UBE3A: variants seen among roughly 807,000 people sequenced by gnomAD.
UBE3A encodes ubiquitin protein ligase E3A.
In UBE3A, 6 loss-of-function variants were observed where a neutral mutation model predicts 83.4. The observed-to-expected ratio is 0.07, with a 90% CI of 0.04 to 0.14. The LOEUF is 0.14. Among genes scored for constraint, UBE3A ranks in the 10% least tolerant of loss-of-function variants. UBE3A has a pLI of 1.00. For synonymous variants in UBE3A, 337 were observed against 355.4 expected, an observed-to-expected ratio of 0.95 and a Z score of 0.58; for missense variants, 456 against 1,036.1, an observed-to-expected ratio of 0.44 and a Z score of 7.69.
chr15:25,377,645 T>C (rs1243654536), intron 4 of UBE3A, among the ~76,000 whole-genome samples: 1 of 152,208 alleles, frequency 6.6e-6, no homozygotes, highest in African/African-American at 2.4e-5. Flanking sequence ...ATTTCCTTTC[T>C]GGAGGAAAAC....
rs139791291 is a variant in UBE3A, at chr15:25,402,141, C to T, written c.62+3320G>A. 1.9e-3 allele frequency among the ~76,000 whole-genome samples: 289 copies of T among 152,318 alleles called. 1 individual carries two copies. Among genetic ancestry groups the T allele is most frequent in the African/African-American group, 6.6e-3 (273 of 41,570 alleles). ...CTGTAGTCATGTGTTGGCACCTGCA[C>T]ATTTGAAGAAGCTGAGACTTGTTCC... On this transcript the variant is annotated intron_variant, in intron 4 of 12. Transcript: ENST00000648336.
intron 4 of UBE3A, among the ~76,000 whole-genome samples, chr15:25,382,297 G>C (rs1408380379): frequency 6.6e-6 from 1 of 151,566 alleles, no homozygotes; most frequent in Non-Finnish European, 1.5e-5. Flanking sequence ...CTGTGGCCTG[G>C]GCAAAAGAGC....
chr15:25,340,314 A>ATATT lies in UBE3A; in HGVS notation c.2355-90_2355-87dup, dbSNP rs1377209676. The ATATT allele has an allele frequency of 3.8e-5, 56 of 1,461,258 alleles. No individual in the cohort carries two copies. The South Asian group carries it at 6.1e-4, about 16-fold the overall frequency. The allele number at this position is 1,461,258 out of a possible 1,614,324, so 90.5% of individuals were successfully genotyped here. A position where few individuals can be genotyped will look rare whatever the true frequency, so the allele number is the denominator to read the frequency against. Reference sequence around the variant, plus strand: ...TAAGCTTATGATTTGCATTAAAACTATATTAAGAGACAACTTGGAAGTTAA... The same window carrying ATATT: ...TAAGCTTATGATTTGCATTAAAACTATATTTATTAAGAGACAACTTGGAAGTTAA... On this transcript the variant is annotated intron_variant, in intron 11 of 12. Coordinates refer to ENST00000648336, the MANE Select transcript of UBE3A (RefSeq NM_130839.5).
At chr15:25,399,570 G>C (rs1001917717) in intron 4 of UBE3A, among the ~76,000 whole-genome samples, 1 of 151,376 alleles carries the variant, frequency 6.6e-6, no homozygotes, top group Admixed American at 6.6e-5. Context: ...CTGTTTTTTT[G>C]TTTCTTTTGT....
At chr15:25,396,321 A>G (rs2085555334) in intron 4 of UBE3A, among the ~76,000 whole-genome samples, 1 of 151,898 alleles carries the variant, frequency 6.6e-6, no homozygotes, top group Admixed American at 6.6e-5. Flanking sequence ...AACAAAATCC[A>G]TGGCCAGGCA....
intron 6 of UBE3A, among the ~76,000 whole-genome samples, chr15:25,363,811 C>T (rs1007550440): frequency 6.6e-6 from 1 of 151,826 alleles, no homozygotes; most frequent in African/African-American, 2.4e-5. Flanking sequence ...TAGTTGGTAA[C>T]TGAATTCTGT....
chr15:25,402,674 C>T (rs1463987266), intron 4 of UBE3A, among the ~76,000 whole-genome samples: 1 of 152,186 alleles, frequency 6.6e-6, no homozygotes, highest in Admixed American at 6.5e-5. Context: ...GTGTACACTT[C>T]CCCTCCTTCC....
chr15:25,424,755 A>T (rs1685042503), intron 1 of UBE3A, among the ~76,000 whole-genome samples: 1 of 152,220 alleles, frequency 6.6e-6, no homozygotes, highest in Non-Finnish European at 1.5e-5. Flanking sequence ...AATTTTAAAA[A>T]ATTCAATTTG....
At chr15:25,387,631 C>A (rs1432032363) in intron 4 of UBE3A, among the ~76,000 whole-genome samples, 1 of 151,764 alleles carries the variant, frequency 6.6e-6, no homozygotes, top group Non-Finnish European at 1.5e-5. Context: ...AAAATTAGAG[C>A]AGAAATCAAT....
At chr15:25,345,097 C>A (rs971961645) in intron 11 of UBE3A, among the ~76,000 whole-genome samples, 5 of 152,112 alleles carry the variant, frequency 3.3e-5, no homozygotes, top group African/African-American at 1.2e-4. Flanking sequence ...AAAGCTCTGA[C>A]AACTACAAGA....
chr15:25,415,709 C>G (rs2090765781), intron 1 of UBE3A: 1 of 151,942 alleles, frequency 6.6e-6, no homozygotes, highest in Non-Finnish European at 1.5e-5. Context: ...TTATGTTATA[C>G]CTTACATTAC....
rs144052366 is a variant in UBE3A, at chr15:25,344,720, A to G, written c.2355-4492T>C. ...CTAAAAACCTTAAATCTATTTTATC[A>G]TGCCTTTTCTGTAGAACTGTTTTTC... On this transcript the variant is annotated intron_variant, in intron 11 of 12. Coordinates refer to ENST00000648336, the MANE Select transcript of UBE3A (RefSeq NM_130839.5). Among the ~76,000 whole-genome samples, 114 of 152,310 alleles carry G rather than the reference A, an allele frequency of 7.5e-4. 1 individual carries two copies. The highest frequency in any genetic ancestry group is 2.5e-3 in the African/African-American group (105 of 41,574).
intron 11 of UBE3A, among the ~76,000 whole-genome samples, chr15:25,353,830 A>C (rs902809451): frequency 6.6e-6 from 1 of 152,136 alleles, no homozygotes; most frequent in African/African-American, 2.4e-5. Context: ...ATTTGCTTAA[A>C]AGCAGATAGA....
intron 4 of UBE3A, among the ~76,000 whole-genome samples, chr15:25,387,317 C>T (rs1009833431): frequency 6.6e-6 from 1 of 151,982 alleles, no homozygotes; most frequent in Non-Finnish European, 1.5e-5. Flanking sequence ...GTCAGGAGAT[C>T]AAGACCATCC....
At chr15:25,380,204 T>G (rs1038471692) in intron 4 of UBE3A, among the ~76,000 whole-genome samples, 1 of 152,144 alleles carries the variant, frequency 6.6e-6, no homozygotes, top group African/African-American at 2.4e-5. Flanking sequence ...TCTGAAGCCT[T>G]CCCAGCCATG....
At chr15:25,410,906 C>T (rs1196393480) in intron 2 of UBE3A, among the ~76,000 whole-genome samples, 6 of 152,172 alleles carry the variant, frequency 3.9e-5, no homozygotes, top group Non-Finnish European at 8.8e-5. Flanking sequence ...CTTGGGTTCT[C>T]AAGAGACTAA....
intron 6 of UBE3A, among the ~76,000 whole-genome samples, chr15:25,367,248 T>C (rs1222008798): frequency 1.3e-5 from 1 of 75,222 alleles, no homozygotes; most frequent in Non-Finnish European, 2.6e-5. Context: ...TGTAAATATT[T>C]GCATATTTGT....
chr15:25,420,665 G>C (rs1032275087), intron 1 of UBE3A: 2 of 152,186 alleles, frequency 1.3e-5, no homozygotes, highest in African/African-American at 4.8e-5. Flanking sequence ...CCAAGTGTTA[G>C]AAAAGATGCA....
chr15:25,434,969 T>TACACACACACAC (rs55856025), intron 1 of UBE3A, among the ~76,000 whole-genome samples: 2 of 142,886 alleles, frequency 1.4e-5, no homozygotes, highest in African/African-American at 5.3e-5. Flanking sequence ...TCTATATACA[T>TACACACACACAC]ACACACACAC....
Sources: gnomAD v4.1 joint callset for allele counts (sites outside exome capture counted in the v4.1 genomes callset) on GRCh38, gnomAD v4.1.1 for gene constraint, MANE v1.5 for transcripts, NCBI Gene and HGNC (gene_info 2026-07-23, HGNC 2026-07-21) for gene names.